KITLG: variants seen among roughly 807,000 people sequenced by gnomAD.
KITLG encodes the protein KIT ligand.
A neutral mutation model predicts 34.1 loss-of-function variants in KITLG; 13 were observed. The ratio of observed to expected loss-of-function variants is 0.38; its 90% CI spans 0.25 to 0.61. The LOEUF (loss-of-function observed/expected upper bound fraction) is 0.61, where lower values mean the gene tolerates loss of function less well. KITLG is among the 20% of genes least tolerant of loss of function. KITLG has a pLI of 0.60. For synonymous variants in KITLG, 110 were observed against 104.0 expected (o/e 1.06, Z -0.35); for missense variants, 292 against 318.9 (o/e 0.92, Z 0.64).
At chr12:88,501,399 A>G (rs1868849940) in intron 9 of KITLG, among the ~76,000 whole-genome samples, 1 of 152,172 alleles carries the variant, frequency 6.6e-6, no homozygotes, top group Non-Finnish European at 1.5e-5. Flanking sequence ...TTTTAAATGT[A>G]TAATTGCAAC....
chr12:88,537,873 T>C (rs1309214243), intron 2 of KITLG, among the ~76,000 whole-genome samples: 2 of 152,072 alleles, frequency 1.3e-5, no homozygotes, highest in Non-Finnish European at 2.9e-5. Flanking sequence ...AAATACTCCT[T>C]AGAGGCAGTG....
chr12:88,507,939 C>T (rs1869126947), intron 6 of KITLG, among the ~76,000 whole-genome samples: 1 of 152,118 alleles, frequency 6.6e-6, no homozygotes, highest in South Asian at 2.1e-4. Context: ...GTAATCCCAG[C>T]ACTTTGGGAG....
intron 1 of KITLG, among the ~76,000 whole-genome samples, chr12:88,573,313 A>C (rs947253813): frequency 1.3e-5 from 2 of 152,204 alleles, no homozygotes; most frequent in Non-Finnish European, 2.9e-5. Flanking sequence ...TGGAAGCCAA[A>C]GAATCTGTGT....
intron 1 of KITLG, among the ~76,000 whole-genome samples, chr12:88,547,274 GATT>G (rs772643056): frequency 6.6e-6 from 1 of 152,112 alleles, no homozygotes. Context: ...AACAAATAAT[GATT>G]ATTATTTGCT....
rs1263443000 is a variant in KITLG, at chr12:88,570,576, T to C, written c.15+9688A>G. ...AGAAGTTCAACCCTTTCAGTTTGTATGTGTATGCATGCGTGTCTATATTGG... is the reference window on the plus strand; with the variant it reads ...AGAAGTTCAACCCTTTCAGTTTGTACGTGTATGCATGCGTGTCTATATTGG... On this transcript the variant is annotated intron_variant, in intron 1 of 9. Transcript: ENST00000644744. Among the ~76,000 whole-genome samples the C allele has an allele frequency of 3.9e-5, 6 of 152,000 alleles. 1 individual carries two copies. Among genetic ancestry groups the C allele is most frequent in the Admixed American group, 6.6e-5 (1 of 15,260 alleles).
intron 6 of KITLG, among the ~76,000 whole-genome samples, chr12:88,510,783 A>T (rs1231960673): frequency 6.6e-6 from 1 of 152,210 alleles, no homozygotes; most frequent in Non-Finnish European, 1.5e-5. Context: ...TGGTACTCTG[A>T]CATGGCCAGC....
intron 6 of KITLG, among the ~76,000 whole-genome samples, chr12:88,508,507 G>A (rs919301451): frequency 6.6e-6 from 1 of 152,094 alleles, no homozygotes; most frequent in South Asian, 2.1e-4. Context: ...CCTATAAATG[G>A]TATGTTTCCA....
chr12:88,559,647 A>G (rs1199685854), intron 1 of KITLG, among the ~76,000 whole-genome samples: 3 of 152,236 alleles, frequency 2.0e-5, no homozygotes, highest in Non-Finnish European at 4.4e-5. Flanking sequence ...TATTTCTCCT[A>G]AGGGTGGTCA....
chr12:88,557,453 GA>G (rs1471947348), intron 1 of KITLG, among the ~76,000 whole-genome samples: 2 of 151,962 alleles, frequency 1.3e-5, no homozygotes, highest in East Asian at 3.9e-4. Context: ...AAGCAGAGGG[GA>G]AAAAAATCCC....
chr12:88,566,109 T>A (rs1871433826), intron 1 of KITLG, among the ~76,000 whole-genome samples: 1 of 152,224 alleles, frequency 6.6e-6, no homozygotes, highest in Admixed American at 6.5e-5. Context: ...CTCCATTCTC[T>A]TCTACCACCC....
chr12:88,538,092 G>C (rs758449132), intron 2 of KITLG, among the ~76,000 whole-genome samples: 28 of 152,118 alleles, frequency 1.8e-4, no homozygotes, highest in Non-Finnish European at 3.4e-4. Context: ...TAAGTGCTTA[G>C]TTAGGCATGG....
At chr12:88,545,589 T>A (rs1305117080) in intron 2 of KITLG, among the ~76,000 whole-genome samples, 163 bp downstream of exon 2, 1 of 152,172 alleles carries the variant, frequency 6.6e-6, no homozygotes, top group African/African-American at 2.4e-5. Flanking sequence ...AATATCTCAC[T>A]ACCTGCTTTC....
chr12:88,497,037 T>C lies in KITLG; in HGVS notation c.*182A>G. ...GATTAATTCAGTGCCAGTTTCACAG[T>C]AAAACATTCTGTTCCAATTTCTGAA... On this transcript the variant is annotated 3_prime_UTR_variant, in exon 10 of 10. Transcript: ENST00000644744. The C allele has an allele frequency of 2.9e-6, 1 of 343,898 alleles. No homozygotes were observed. Among genetic ancestry groups the C allele is most frequent in the South Asian group, 2.3e-5 (1 of 44,036 alleles). 21.3% of individuals were successfully genotyped at this position (343,898 alleles called of 1,614,324 possible).
intron 1 of KITLG, among the ~76,000 whole-genome samples, chr12:88,555,027 T>C (rs1044752062): frequency 6.6e-6 from 1 of 152,114 alleles, no homozygotes; most frequent in Non-Finnish European, 1.5e-5. Context: ...TAAAAATGTT[T>C]TAAAATATGG....
At chr12:88,564,719 C>A (rs938898093) in intron 1 of KITLG, among the ~76,000 whole-genome samples, 1 of 138,190 alleles carries the variant, frequency 7.2e-6, no homozygotes, top group Admixed American at 8.1e-5. Flanking sequence ...GATCTACACC[C>A]AAAACCAAGA....
At chr12:88,532,311 C>A in intron 3 of KITLG, 130 bp downstream of exon 3, 1 of 746,320 alleles carries the variant, frequency 1.3e-6, no homozygotes, top group South Asian at 1.7e-5. Flanking sequence ...AGTCAAATTC[C>A]AAAGATAAAT....
chr12:88,505,966 A>T (rs1025088753), intron 8 of KITLG, among the ~76,000 whole-genome samples: 2 of 152,188 alleles, frequency 1.3e-5, no homozygotes, highest in Non-Finnish European at 2.9e-5. Context: ...ATGTTTTGAT[A>T]AAAGTGTGGA....
At chr12:88,540,452 C>T (rs1175235770) in intron 2 of KITLG, among the ~76,000 whole-genome samples, 1 of 152,052 alleles carries the variant, frequency 6.6e-6, no homozygotes, top group Admixed American at 6.6e-5. Flanking sequence ...AGGAGACAAT[C>T]CATGCAAAGT....
chr12:88,527,609 G>T (rs11104926), intron 3 of KITLG, among the ~76,000 whole-genome samples: 12,806 of 152,244 alleles, frequency 0.084, 561 homozygotes, highest in Non-Finnish European at 0.1. Flanking sequence ...ATCTGTGGGA[G>T]AAACTTTGAG....
Sources: allele counts gnomAD v4.1 joint callset (sites outside exome capture counted in the v4.1 genomes callset), GRCh38; gene constraint gnomAD v4.1.1; transcripts MANE v1.5; gene names NCBI Gene and HGNC (gene_info 2026-07-23, HGNC 2026-07-21).